Variants in TBC1D4 observed in about 807,000 individuals in gnomAD.
TBC1D4 encodes TBC1 domain family member 4, also known as TBC (Tre-2, BUB2, CDC16) domain-containing protein.
In TBC1D4, 121 loss-of-function variants were observed where a neutral mutation model predicts 142.5. The ratio of observed to expected loss-of-function variants is 0.85; its 90% CI spans 0.73 to 0.99. The LOEUF (loss-of-function observed/expected upper bound fraction) is 0.99, where lower values mean the gene tolerates loss of function less well. TBC1D4 is among the 50% of genes least tolerant of loss of function. TBC1D4 has a pLI of 0.00. For synonymous variants in TBC1D4, 630 were observed against 628.2 expected (o/e 1.00, Z -0.04); for missense variants, 1,475 against 1,606.6 (o/e 0.92, Z 1.40).
intron 1 of TBC1D4, among the ~76,000 whole-genome samples, chr13:75,391,927 T>C (rs1566453856): frequency 1.3e-5 from 2 of 152,178 alleles, no homozygotes; most frequent in Admixed American, 6.5e-5. Flanking sequence ...GACAACTCCA[T>C]TGGCCACACT....
At chr13:75,469,071 G>A (rs1035031615) in intron 1 of TBC1D4, among the ~76,000 whole-genome samples, 1 of 152,146 alleles carries the variant, frequency 6.6e-6, no homozygotes, top group Admixed American at 6.6e-5. Context: ...ATTTAACAGA[G>A]AACTGAAGCC....
chr13:75,340,453 G>C (rs1880588171), intron 7 of TBC1D4, among the ~76,000 whole-genome samples: 1 of 152,058 alleles, frequency 6.6e-6, no homozygotes, highest in Non-Finnish European at 1.5e-5. Flanking sequence ...CACCATTTGG[G>C]CTATCTCCAG....
chr13:75,426,672 C>A (rs752461965), intron 1 of TBC1D4, among the ~76,000 whole-genome samples: 2 of 152,096 alleles, frequency 1.3e-5, no homozygotes, highest in Non-Finnish European at 2.9e-5. Flanking sequence ...TTAATAACCA[C>A]AACAGACTAT....
intron 1 of TBC1D4, chr13:75,366,928 C>A (rs1882947100): frequency 2.0e-6 from 2 of 985,238 alleles, no homozygotes; most frequent in Admixed American, 6.2e-5. Context: ...GATCAGGAAG[C>A]CAGCTGGAAA....
At chr13:75,341,452 C>T (rs959011286) in intron 6 of TBC1D4, 44 bp downstream of exon 6, 5 of 1,577,272 alleles carry the variant, frequency 3.2e-6, no homozygotes, top group Non-Finnish European at 3.5e-6. Context: ...GGATCCAATT[C>T]TCATTCCTTA....
At chr13:75,339,965 T>TTCTCTTAC (rs1175668008) in intron 7 of TBC1D4, among the ~76,000 whole-genome samples, 11 of 152,210 alleles carry the variant, frequency 7.2e-5, no homozygotes, top group Non-Finnish European at 1.6e-4. Context: ...GAATCTCCTC[T>TTCTCTTAC]TCTCTTACTC....
At chr13:75,390,549 C>T (rs182799340) in intron 1 of TBC1D4, among the ~76,000 whole-genome samples, 9 of 152,218 alleles carry the variant, frequency 5.9e-5, no homozygotes, top group Non-Finnish European at 1.2e-4. Flanking sequence ...TTCCCATTCT[C>T]ATTTAGTAAT....
At chr13:75,297,186 T>C (rs934904997) in intron 17 of TBC1D4, among the ~76,000 whole-genome samples, 3 of 152,222 alleles carry the variant, frequency 2.0e-5, no homozygotes, top group Non-Finnish European at 2.9e-5. Flanking sequence ...AGACATAAAA[T>C]ACTTCTTGGT....
chr13:75,382,111 CTTTG>C (rs1883890286), intron 1 of TBC1D4, among the ~76,000 whole-genome samples: 1 of 152,044 alleles, frequency 6.6e-6, no homozygotes, highest in African/African-American at 2.4e-5. Context: ...GCGATTAGCT[CTTTG>C]TTAATATCCT....
At chr13:75,451,675 A>C (rs939460243) in intron 1 of TBC1D4, among the ~76,000 whole-genome samples, 4 of 149,756 alleles carry the variant, frequency 2.7e-5, no homozygotes, top group East Asian at 3.9e-4. Context: ...ACAAGTTCCT[A>C]TCTCAAAAAA....
chr13:75,475,307 TATTAC>T (rs1346666279), intron 1 of TBC1D4, among the ~76,000 whole-genome samples: 10 of 152,262 alleles, frequency 6.6e-5, no homozygotes, highest in African/African-American at 2.4e-4. Context: ...CTGAATATAC[TATTAC>T]ATTAAATCAT....
chr13:75,332,596 A>G (rs1270645094), intron 8 of TBC1D4, among the ~76,000 whole-genome samples: 1 of 150,830 alleles, frequency 6.6e-6, no homozygotes, highest in Non-Finnish European at 1.5e-5. Flanking sequence ...ACTGGACCCC[A>G]CCCCGAGAGT....
Position 75,363,593 on chromosome 13 carries a change from T to A in TBC1D4, c.499-986A>T, listed in dbSNP as rs1419818267. Among the ~76,000 whole-genome samples, 4 of 152,206 alleles carry A rather than the reference T, an allele frequency of 2.6e-5. No individual in the cohort carries two copies. The East Asian group carries it at 7.7e-4, about 29-fold the overall frequency. ...AAATTGTCCCGCCTTTCCAGACGGATCCAAGGTACTTCTTACATATATTGA... is the reference window on the plus strand; with the variant it reads ...AAATTGTCCCGCCTTTCCAGACGGAACCAAGGTACTTCTTACATATATTGA... On this transcript the variant is annotated intron_variant, in intron 1 of 20. Coordinates refer to ENST00000377636, the MANE Select transcript of TBC1D4 (RefSeq NM_014832.5).
At position 75,284,694 on chromosome 13, in the gene TBC1D4, T is replaced by C. The variant is rs1461651560; in HGVS notation, c.*2098A>G. On this transcript the variant is annotated 3_prime_UTR_variant, in exon 21 of 21. Transcript: ENST00000377636. ...CAAGAAAGCTGCAGCAATATATTTA[T>C]TGCAAAGGAACTAGACATTACATTA... is the stretch of plus-strand genomic sequence containing the variant. The C allele has an allele frequency of 2.0e-5, 3 of 152,182 alleles. No individual in the cohort carries two copies. The highest frequency in any genetic ancestry group is 2.1e-4 in the South Asian group (1 of 4,830). The allele number at this position is 152,182 out of a possible 1,614,324, so 9.4% of individuals were successfully genotyped here.
At chr13:75,436,370 T>C (rs1421977528) in intron 1 of TBC1D4, among the ~76,000 whole-genome samples, 1 of 152,096 alleles carries the variant, frequency 6.6e-6, no homozygotes, top group Non-Finnish European at 1.5e-5. Context: ...AAAACTACCA[T>C]TTCAGGCTGG....
intron 4 of TBC1D4, among the ~76,000 whole-genome samples, chr13:75,351,495 C>A (rs889575561): frequency 3.3e-5 from 5 of 151,574 alleles, no homozygotes; most frequent in Admixed American, 3.3e-4. Context: ...TGTATACATG[C>A]GCCATGTTGG....
chr13:75,376,707 T>C (rs560845660), intron 1 of TBC1D4, among the ~76,000 whole-genome samples: 1 of 152,306 alleles, frequency 6.6e-6, no homozygotes, highest in African/African-American at 2.4e-5. Context: ...AAGTAAACTT[T>C]TACATTTCTA....
chr13:75,472,206 T>C (rs1290972824), intron 1 of TBC1D4, among the ~76,000 whole-genome samples: 2 of 151,284 alleles, frequency 1.3e-5, no homozygotes, highest in Non-Finnish European at 2.9e-5. Context: ...GGTCGGATCA[T>C]GAGGTCAAGA....
chr13:75,287,679 C>T (rs1390568861), intron 20 of TBC1D4, among the ~76,000 whole-genome samples: 1 of 152,124 alleles, frequency 6.6e-6, no homozygotes, highest in East Asian at 1.9e-4. Context: ...AAAAGATTTA[C>T]ATTTTCTATG....
Sources: allele counts gnomAD v4.1 joint callset (sites outside exome capture counted in the v4.1 genomes callset), GRCh38; gene constraint gnomAD v4.1.1; transcripts MANE v1.5; gene names NCBI Gene and HGNC (gene_info 2026-07-23, HGNC 2026-07-21).